Variants in SAMD12 observed in about 807,000 individuals in gnomAD.
SAMD12 encodes the protein sterile alpha motif domain-containing protein 12.
A neutral mutation model predicts 15.0 loss-of-function variants in SAMD12; 9 were observed. The ratio of observed to expected loss-of-function variants is 0.60; its 90% CI spans 0.36 to 1.05. The LOEUF is 1.05. Among genes scored for constraint, SAMD12 ranks in the 50% least tolerant of loss-of-function variants. The pLI, the probability that SAMD12 is intolerant of heterozygous loss-of-function variation, is 0.01. For missense variants in SAMD12, 230 were observed against 234.2 expected, an observed-to-expected ratio of 0.98 and a Z score of 0.12; for synonymous variants, 86 against 90.1, an observed-to-expected ratio of 0.96 and a Z score of 0.25.
intron 2 of SAMD12, among the ~76,000 whole-genome samples, chr8:118,552,145 G>C (rs2131184249): frequency 6.6e-6 from 1 of 152,206 alleles, no homozygotes; most frequent in Admixed American, 6.5e-5. Flanking sequence ...CCAATCAATA[G>C]AAAAAGAGGG....
At chr8:118,289,328 CTAAT>C (rs1226139786) in intron 4 of SAMD12, among the ~76,000 whole-genome samples, 2 of 152,128 alleles carry the variant, frequency 1.3e-5, no homozygotes, top group Non-Finnish European at 2.9e-5. Flanking sequence ...TGCTCTTTTC[CTAAT>C]TAATAGGTTC....
At chr8:118,379,809 A>G in intron 3 of SAMD12, 109 bp from the exon 4 acceptor site, 1 of 1,370,426 alleles carries the variant, frequency 7.3e-7, no homozygotes, top group Non-Finnish European at 9.8e-7. Flanking sequence ...CTACCTAAAC[A>G]CAGACATTTT....
Position 118,607,133 on chromosome 8 carries a change from C to A in SAMD12, c.13+14671G>T, listed in dbSNP as rs543752861. Among the ~76,000 whole-genome samples the A allele has an allele frequency of 1.8e-4, 27 of 152,180 alleles. No individual in the cohort carries two copies. The South Asian group carries it at 5.6e-3, about 32-fold the overall frequency. ...CTACCCTACCTGGAATTAGTTATTG[C>A]AAAATAAATGAATTCACAAGAAATA... On this transcript the variant is annotated intron_variant, in intron 1 of 3. Transcript: ENST00000314727.
At chr8:118,567,838 T>G (rs1256827244) in intron 2 of SAMD12, among the ~76,000 whole-genome samples, 4 of 152,248 alleles carry the variant, frequency 2.6e-5, no homozygotes, top group African/African-American at 9.6e-5. Flanking sequence ...GTAGGTGTGA[T>G]TTAAACAGCA....
At chr8:118,280,781 G>T (rs1438335139) in intron 4 of SAMD12, among the ~76,000 whole-genome samples, 1 of 152,130 alleles carries the variant, frequency 6.6e-6, no homozygotes, top group Admixed American at 6.5e-5. Flanking sequence ...TACTATATAT[G>T]CACTGGGCCT....
intron 4 of SAMD12, among the ~76,000 whole-genome samples, chr8:118,245,131 C>G (rs1466743679): frequency 6.6e-6 from 1 of 152,106 alleles, no homozygotes; most frequent in Non-Finnish European, 1.5e-5. Flanking sequence ...TCATCATGAC[C>G]ACCGCTGGCA....
chr8:118,355,477 C>G (rs982899176), intron 4 of SAMD12, among the ~76,000 whole-genome samples: 1 of 152,104 alleles, frequency 6.6e-6, no homozygotes, highest in African/African-American at 2.4e-5. Context: ...AAAACTTACT[C>G]ATGTAACCAA....
intron 4 of SAMD12, among the ~76,000 whole-genome samples, chr8:118,261,597 G>C (rs1382863563): frequency 6.6e-6 from 1 of 150,772 alleles, no homozygotes; most frequent in Non-Finnish European, 1.5e-5. Context: ...TGTGAAAATT[G>C]GTTTCAACTT....
Position 118,564,442 on chromosome 8 carries a change from A to C in SAMD12, c.192+16273T>G, listed in dbSNP as rs954030140. On this transcript the variant is annotated intron_variant, in intron 2 of 3. Transcript: ENST00000314727. ...GATGCATGCCCTAGAATGTCCTGAC[A>C]TCAGAAACAATTGCTGGGACCCAGG... is the stretch of plus-strand genomic sequence containing the variant. 1.2e-4 allele frequency among the ~76,000 whole-genome samples: 18 copies of C among 152,214 alleles called. 3 individuals carry two copies. The highest frequency in any genetic ancestry group is 1.1e-3 in the Admixed American group (17 of 15,286).
At chr8:118,223,441 G>T (rs1002988449) in intron 4 of SAMD12, among the ~76,000 whole-genome samples, 1 of 152,172 alleles carries the variant, frequency 6.6e-6, no homozygotes, top group Non-Finnish European at 1.5e-5. Flanking sequence ...TTAGCATTTC[G>T]ACTTCTGGTC....
At chr8:118,437,742 T>A (rs1822617048) in intron 3 of SAMD12, among the ~76,000 whole-genome samples, 1 of 152,156 alleles carries the variant, frequency 6.6e-6, no homozygotes, top group South Asian at 2.1e-4. Context: ...AATGCATACC[T>A]CATTCCCACA....
intron 2 of SAMD12, among the ~76,000 whole-genome samples, chr8:118,502,304 C>A (rs1201249506): frequency 6.6e-6 from 1 of 152,092 alleles, no homozygotes; most frequent in Non-Finnish European, 1.5e-5. Flanking sequence ...CCAATCAATT[C>A]ATAAGATCAG....
At chr8:118,535,147 T>A (rs1303529311) in intron 2 of SAMD12, among the ~76,000 whole-genome samples, 1 of 152,212 alleles carries the variant, frequency 6.6e-6, no homozygotes, top group Non-Finnish European at 1.5e-5. Context: ...CCTTTCTGTT[T>A]GTTAGTTTTC....
intron 4 of SAMD12, among the ~76,000 whole-genome samples, chr8:118,255,758 T>C (rs1302107199): frequency 6.6e-6 from 1 of 152,088 alleles, no homozygotes; most frequent in Non-Finnish European, 1.5e-5. Context: ...CTATCATTGT[T>C]GGACATTTGG....
intron 2 of SAMD12, among the ~76,000 whole-genome samples, chr8:118,574,680 C>T (rs1827105123): frequency 6.6e-6 from 1 of 152,156 alleles, no homozygotes; most frequent in Non-Finnish European, 1.5e-5. Context: ...TGAGCCCTGT[C>T]CAAGAACTCA....
At chr8:118,374,540 T>G (rs1178101149), downstream of SAMD12, among the ~76,000 whole-genome samples, 1 of 152,120 alleles carries the variant, frequency 6.6e-6, no homozygotes, top group East Asian at 1.9e-4. Flanking sequence ...ATTTTTAGTT[T>G]TTTGAGGAAC....
chr8:118,366,620 C>T (rs1158925485), intron 4 of SAMD12, among the ~76,000 whole-genome samples: 1 of 151,778 alleles, frequency 6.6e-6, no homozygotes, highest in African/African-American at 2.4e-5. Flanking sequence ...CAAGACCAGC[C>T]TGACCAACAT....
intron 4 of SAMD12, among the ~76,000 whole-genome samples, chr8:118,343,963 G>C (rs1253874352): frequency 6.6e-6 from 1 of 152,204 alleles, no homozygotes; most frequent in East Asian, 1.9e-4. Flanking sequence ...ATGTTGTAAA[G>C]ACTGAGAATG....
At chr8:118,573,484 G>C (rs1347354646) in intron 2 of SAMD12, among the ~76,000 whole-genome samples, 1 of 152,070 alleles carries the variant, frequency 6.6e-6, no homozygotes, top group African/African-American at 2.4e-5. Flanking sequence ...TTGTTTTTTG[G>C]TCTTTGAGGA....
Sources: gnomAD v4.1 joint callset for allele counts (sites outside exome capture counted in the v4.1 genomes callset) on GRCh38, gnomAD v4.1.1 for gene constraint, MANE v1.5 for transcripts, NCBI Gene and HGNC (gene_info 2026-07-23, HGNC 2026-07-21) for gene names.